Variants in FGGY observed in about 807,000 individuals in gnomAD.
FGGY encodes the protein FGGY carbohydrate kinase domain-containing protein.
A neutral mutation model predicts 71.3 loss-of-function variants in FGGY; 72 were observed. That is an observed-to-expected ratio of 1.01 (90% confidence interval 0.84 to 1.23). The LOEUF is 1.23. FGGY is among the 50% of genes most tolerant of loss of function. The pLI is 0.00. For synonymous variants in FGGY, 251 were observed against 250.3 expected (o/e 1.00, Z -0.02); for missense variants, 668 against 682.3 (o/e 0.98, Z 0.23).
rs115603358 is a variant in FGGY at position 59,619,744 on chromosome 1, G to A, written c.1012-6244G>A. Among the ~76,000 whole-genome samples the A allele has an allele frequency of 4.5e-3, 680 of 152,150 alleles. 7 individuals are homozygous for A. The highest frequency in any genetic ancestry group is 0.016 in the African/African-American group (645 of 41,532). On this transcript the variant is annotated intron_variant, in intron 9 of 15. Coordinates refer to ENST00000303721, the MANE Select transcript of FGGY (RefSeq NM_018291.5). ...AAACCATTGGAGAATAATGAGCGGA[G>A]GAGTGATGTGATATGACAGGTTTTC...
intron 5 of FGGY, among the ~76,000 whole-genome samples, chr1:59,424,027 A>G (rs775745215): frequency 1.2e-4 from 19 of 152,228 alleles, no homozygotes; most frequent in Non-Finnish European, 2.6e-4. Context: ...TACATAGGCC[A>G]CTTACAGTCA....
chr1:59,559,852 C>A (rs1185940141), intron 8 of FGGY, among the ~76,000 whole-genome samples: 2 of 151,912 alleles, frequency 1.3e-5, no homozygotes. Context: ...TCCATAAGAC[C>A]ATACTGACAT....
intron 15 of FGGY, among the ~76,000 whole-genome samples, chr1:59,760,496 A>T (rs1421076137): frequency 6.6e-6 from 1 of 152,228 alleles, no homozygotes; most frequent in Non-Finnish European, 1.5e-5. Context: ...TTCTACATTC[A>T]TGTTCACAGC....
intron 5 of FGGY, among the ~76,000 whole-genome samples, chr1:59,401,311 G>A (rs534572631): frequency 2.6e-5 from 4 of 152,118 alleles, no homozygotes; most frequent in Non-Finnish European, 5.9e-5. Flanking sequence ...GATCTAAATT[G>A]CTTACCTGTT....
intron 6 of FGGY, among the ~76,000 whole-genome samples, chr1:59,468,866 T>C (rs1203386974): frequency 1.4e-5 from 2 of 144,940 alleles, no homozygotes; most frequent in Non-Finnish European, 3.0e-5. Context: ...AGCAAGACTC[T>C]GTCTTTAAAA....
At chr1:59,616,047 A>C (rs2096749515) in intron 9 of FGGY, among the ~76,000 whole-genome samples, 1 of 152,186 alleles carries the variant, frequency 6.6e-6, no homozygotes, top group Non-Finnish European at 1.5e-5. Context: ...GGGACTGTAA[A>C]CTAGTTCAAC....
intron 10 of FGGY, among the ~76,000 whole-genome samples, chr1:59,633,294 G>A (rs2153874910): frequency 6.6e-6 from 1 of 152,320 alleles, no homozygotes; most frequent in Non-Finnish European, 1.5e-5. Flanking sequence ...ACAGGTGTGA[G>A]CCACTGCGCC....
intron 6 of FGGY, among the ~76,000 whole-genome samples, chr1:59,459,556 C>G (rs1005641876): frequency 2.6e-5 from 4 of 152,096 alleles, no homozygotes; most frequent in African/African-American, 9.7e-5. Flanking sequence ...TTATATAGCC[C>G]TACTGACAAA....
chr1:59,540,406 T>G (rs1482824171), intron 7 of FGGY, among the ~76,000 whole-genome samples: 2 of 152,350 alleles, frequency 1.3e-5, no homozygotes, highest in South Asian at 2.1e-4. Flanking sequence ...GCAACAAAAA[T>G]GTACAAAATA....
intron 6 of FGGY, among the ~76,000 whole-genome samples, chr1:59,493,784 T>C (rs79813410): frequency 0.064 from 9,774 of 152,256 alleles, 415 homozygotes; most frequent in East Asian, 0.13. Context: ...ACAGTTAAGA[T>C]AGTAAATGTT....
At chr1:59,722,486 G>A (rs983185171) in intron 14 of FGGY, among the ~76,000 whole-genome samples, 1 of 152,136 alleles carries the variant, frequency 6.6e-6, no homozygotes, top group African/African-American at 2.4e-5. Context: ...TATGCTGTTT[G>A]GGAGATTTGT....
chr1:59,391,034 T>A (rs756354140), intron 5 of FGGY, among the ~76,000 whole-genome samples: 10 of 152,186 alleles, frequency 6.6e-5, no homozygotes, highest in Non-Finnish European at 1.2e-4. Flanking sequence ...AGTTCAAAGT[T>A]TTGCTCTGCC....
At chr1:59,605,023 T>C (rs913135438) in intron 8 of FGGY, among the ~76,000 whole-genome samples, 1 of 152,160 alleles carries the variant, frequency 6.6e-6, no homozygotes, top group African/African-American at 2.4e-5. Flanking sequence ...GGCTGGAACA[T>C]TCACCATAGC....
In FGGY at chr1:59,639,883, T is replaced by A. The variant is rs74086257; in HGVS notation, c.1221+1508T>A. ...CTCCCAGTAGCTTTTATCCATTTTT[T>A]AAAACCAATCCTGACATCCAAGACC... is the stretch of plus-strand genomic sequence containing the variant. On this transcript the variant is annotated intron_variant, in intron 11 of 15. Coordinates refer to ENST00000303721, the MANE Select transcript of FGGY (RefSeq NM_018291.5). Among the ~76,000 whole-genome samples the A allele has an allele frequency of 3.6e-3, 541 of 152,314 alleles. 4 individuals carry two copies. The highest frequency in any genetic ancestry group is 0.012 in the African/African-American group (517 of 41,556).
chr1:59,725,553 A>G (rs2097936456), intron 14 of FGGY, among the ~76,000 whole-genome samples: 1 of 151,792 alleles, frequency 6.6e-6, no homozygotes, highest in East Asian at 1.9e-4. Flanking sequence ...GAGTTTTGTA[A>G]TTTTCCACAT....
intron 14 of FGGY, among the ~76,000 whole-genome samples, chr1:59,744,797 G>A (rs2098181491): frequency 6.6e-6 from 1 of 152,046 alleles, no homozygotes; most frequent in Non-Finnish European, 1.5e-5. Flanking sequence ...TATCAATTTT[G>A]GGGAATACAG....
intron 5 of FGGY, among the ~76,000 whole-genome samples, chr1:59,390,952 T>C (rs1571498745): frequency 6.6e-6 from 1 of 152,206 alleles, no homozygotes; most frequent in East Asian, 1.9e-4. Flanking sequence ...AGGCATTCTC[T>C]CCCTAATCCA....
At chr1:59,586,491 A>G (rs2096289873) in intron 8 of FGGY, among the ~76,000 whole-genome samples, 2 of 151,684 alleles carry the variant, frequency 1.3e-5, no homozygotes, top group Admixed American at 1.3e-4. Flanking sequence ...GGAACATCAC[A>G]CACCGGGGCC....
chr1:59,641,729 T>C (rs1274110061), intron 11 of FGGY, among the ~76,000 whole-genome samples: 70 of 152,290 alleles, frequency 4.6e-4, no homozygotes, highest in Non-Finnish European at 1.2e-4. Flanking sequence ...TAGGATGGTG[T>C]TCAACTAGGA....
Sources: allele counts gnomAD v4.1 joint callset (sites outside exome capture counted in the v4.1 genomes callset), GRCh38; gene constraint gnomAD v4.1.1; transcripts MANE v1.5; gene names NCBI Gene and HGNC (gene_info 2026-07-23, HGNC 2026-07-21).